ATP10B: variants seen among roughly 807,000 people sequenced by gnomAD.
The protein encoded by ATP10B is phospholipid-transporting ATPase VB.
ATP10B carries 122 observed loss-of-function variants against 141.2 expected under a neutral mutation model. The observed-to-expected ratio is 0.86, with a 90% CI of 0.75 to 1.00. The LOEUF is 1.00. Ranked by LOEUF, ATP10B falls within the 50% of genes least tolerant of loss-of-function variation. ATP10B has a pLI of 0.00. For missense variants in ATP10B, 1,876 were observed against 1,825.3 expected, an observed-to-expected ratio of 1.03 and a Z score of -0.51; for synonymous variants, 685 against 692.0, an observed-to-expected ratio of 0.99 and a Z score of 0.16.
At chr5:160,645,823 C>T (rs1184708982) in intron 8 of ATP10B, among the ~76,000 whole-genome samples, 1 of 152,184 alleles carries the variant, frequency 6.6e-6, no homozygotes, top group Non-Finnish European at 1.5e-5. Context: ...GCCTTTTTCA[C>T]TGAAGCCTCA....
At chr5:160,649,104 T>TC in intron 8 of ATP10B, 67 bp downstream of exon 8, 1 of 1,212,022 alleles carries the variant, frequency 8.3e-7, no homozygotes, top group East Asian at 2.3e-5. Context: ...TTTGGTCATT[T>TC]CTAGACAATA....
At chr5:160,755,292 C>T (rs193015826) in intron 2 of ATP10B, among the ~76,000 whole-genome samples, 210 of 152,184 alleles carry the variant, frequency 1.4e-3, no homozygotes, top group Non-Finnish European at 1.9e-3. Flanking sequence ...GGGAAATATC[C>T]GCCCCATGAT....
intron 21 of ATP10B, among the ~76,000 whole-genome samples, chr5:160,600,856 G>T (rs1228880587): frequency 6.6e-6 from 1 of 152,232 alleles, no homozygotes; most frequent in African/African-American, 2.4e-5. Context: ...ATATGTGGAA[G>T]TCATAGTTCT....
intron 6 of ATP10B, among the ~76,000 whole-genome samples, chr5:160,684,155 G>A (rs1345972387): frequency 6.6e-6 from 1 of 152,150 alleles, no homozygotes; most frequent in African/African-American, 2.4e-5. Context: ...CTTTGGTTAA[G>A]ACAACATCAG....
rs10042580 is a variant in ATP10B at position 160,785,777 on chromosome 5, G to A, written c.-549C>T. ...TTCATTGAAACAAATGTCACCAGTCGGTTCTGATTCTCTTGTCAAAGGAAG... is the reference window on the plus strand; with the variant it reads ...TTCATTGAAACAAATGTCACCAGTCAGTTCTGATTCTCTTGTCAAAGGAAG... On this transcript the variant is annotated 5_prime_UTR_variant, in exon 2 of 26. Transcript: ENST00000327245. The A allele has an allele frequency of 1.3e-4, 114 of 903,460 alleles. No homozygotes were observed. The African/African-American group carries it at 1.8e-3, about 14-fold the overall frequency. 56.0% of individuals were successfully genotyped at this position (903,460 alleles called of 1,614,324 possible).
At chr5:160,679,137 T>C (rs1763221093) in intron 6 of ATP10B, among the ~76,000 whole-genome samples, 2 of 152,180 alleles carry the variant, frequency 1.3e-5, no homozygotes, top group African/African-American at 2.4e-5. Flanking sequence ...GCTTCCTCCC[T>C]TGTAGGTTTC....
At chr5:160,590,707 GA>G (rs1756231187) in intron 23 of ATP10B, among the ~76,000 whole-genome samples, 2 of 152,200 alleles carry the variant, frequency 1.3e-5, no homozygotes, top group Admixed American at 1.3e-4. Context: ...AACAGTTAAT[GA>G]GTAAAGATAG....
intron 2 of ATP10B, among the ~76,000 whole-genome samples, chr5:160,780,315 T>C (rs576883960): frequency 5.9e-5 from 9 of 152,114 alleles, no homozygotes; most frequent in African/African-American, 2.2e-4. Context: ...TTTTATAGGG[T>C]TGCCATATAA....
At chr5:160,631,465 A>T (rs1040842092) in intron 13 of ATP10B, among the ~76,000 whole-genome samples, 4 of 152,282 alleles carry the variant, frequency 2.6e-5, no homozygotes, top group African/African-American at 9.6e-5. Context: ...CACAAACAGC[A>T]ATGCCCATAA....
chr5:160,569,734 G>A (rs754161141), intron 24 of ATP10B, 51 bp from the exon 25 acceptor site: 2 of 1,391,166 alleles, frequency 1.4e-6, no homozygotes, highest in South Asian at 1.6e-5. Flanking sequence ...GAGATTAGGA[G>A]GCAGGGTGAT....
intron 18 of ATP10B, among the ~76,000 whole-genome samples, chr5:160,611,611 A>G (rs1757723828): frequency 6.6e-6 from 1 of 150,798 alleles, no homozygotes; most frequent in African/African-American, 2.4e-5. Flanking sequence ...CATTTTTCAT[A>G]ATCTACACTA....
intron 7 of ATP10B, among the ~76,000 whole-genome samples, chr5:160,655,366 G>A (rs1245479969): frequency 6.6e-6 from 1 of 151,550 alleles, no homozygotes; most frequent in African/African-American, 2.4e-5. Flanking sequence ...AATCAGAATT[G>A]CTCCTTTTCA....
chr5:160,776,778 A>G (rs1206308380), intron 2 of ATP10B, among the ~76,000 whole-genome samples: 1 of 152,236 alleles, frequency 6.6e-6, no homozygotes, highest in Non-Finnish European at 1.5e-5. Flanking sequence ...CAATATGTCC[A>G]TACTTGAAAA....
In ATP10B at chr5:160,597,186, C is replaced by T. The variant is rs199740016; in HGVS notation, c.3564+1584G>A. On this transcript the variant is annotated intron_variant, in intron 22 of 25. Transcript: ENST00000327245. ...TAACCAAAACAGCATGGTACTGGTA[C>T]CAAAACAGAGATATAGATCAATGGA... Among the ~76,000 whole-genome samples the T allele has an allele frequency of 8.5e-4, 130 of 152,248 alleles. 3 individuals carry two copies. In the East Asian group the frequency reaches 0.021, roughly 24 times the overall value.
chr5:160,658,144 C>A (rs1357019312), intron 7 of ATP10B, among the ~76,000 whole-genome samples: 2 of 152,176 alleles, frequency 1.3e-5, no homozygotes, highest in Admixed American at 6.5e-5. Flanking sequence ...TGCTGATAAA[C>A]CACAAAACAA....
At chr5:160,892,087 T>G in the ATP10B span, among the ~76,000 whole-genome samples, 1 of 152,234 alleles carries the variant, frequency 6.6e-6, no homozygotes, top group Non-Finnish European at 1.5e-5. Flanking sequence ...AAATTAATGA[T>G]TTTTTTCTTT....
chr5:160,748,785 T>C (rs1023980159), intron 2 of ATP10B, among the ~76,000 whole-genome samples: 1 of 152,248 alleles, frequency 6.6e-6, no homozygotes, highest in African/African-American at 2.4e-5. Context: ...GCAGCCATAG[T>C]AATTCATGCA....
At chr5:160,707,798 G>A (rs1311853352) in intron 3 of ATP10B, among the ~76,000 whole-genome samples, 3 of 152,204 alleles carry the variant, frequency 2.0e-5, no homozygotes, top group Non-Finnish European at 2.9e-5. Flanking sequence ...GAAGAAAGTA[G>A]AGACACAGGC....
chr5:160,820,020 A>T (rs915430859), intron 1 of ATP10B, among the ~76,000 whole-genome samples: 2 of 152,130 alleles, frequency 1.3e-5, no homozygotes, highest in African/African-American at 4.8e-5. Flanking sequence ...GAAAAGAAAT[A>T]ATAAGGATCA....
Sources: gnomAD v4.1 joint callset for allele counts (sites outside exome capture counted in the v4.1 genomes callset) on GRCh38, gnomAD v4.1.1 for gene constraint, MANE v1.5 for transcripts, NCBI Gene and HGNC (gene_info 2026-07-23, HGNC 2026-07-21) for gene names.